Variants in ABCD3 observed in about 807,000 individuals in gnomAD.
ABCD3 encodes ATP-binding cassette sub-family D member 3.
A neutral mutation model predicts 105.5 loss-of-function variants in ABCD3; 41 were observed. The ratio of observed to expected loss-of-function variants is 0.39; its 90% confidence interval spans 0.30 to 0.50. The LOEUF is 0.50. Ranked by LOEUF, ABCD3 falls within the 20% of genes least tolerant of loss-of-function variation. The pLI is 0.84. For missense variants in ABCD3, 622 were observed against 806.3 expected (o/e 0.77, Z 2.77); for synonymous variants, 258 against 269.0 (o/e 0.96, Z 0.40).
At chr1:94,479,810 GA>G (rs978314536) in intron 8 of ABCD3, among the ~76,000 whole-genome samples, 5 of 151,956 alleles carry the variant, frequency 3.3e-5, no homozygotes, top group Non-Finnish European at 7.4e-5. Context: ...GATGAACTTG[GA>G]AAGGTATGCT....
chr1:94,495,096 T>C (rs956970241), intron 16 of ABCD3, among the ~76,000 whole-genome samples: 5 of 152,160 alleles, frequency 3.3e-5, no homozygotes, highest in Admixed American at 3.3e-4. Flanking sequence ...ACAAGTACTT[T>C]GTAAGTTACT....
Position 94,487,986 on chromosome 1 carries a change from A to G in ABCD3, c.1157+3A>G. On this transcript the variant is annotated splice_donor_region_variant and intron_variant, in intron 13 of 22. Transcript: ENST00000370214. ...CGTGAAATGACTAGATTGGCCGGGT[A>G]AGATTAGTAATAATGAGCTGTTGCA... 1.9e-6 allele frequency: 3 copies of G among 1,607,094 alleles called. No individual in the cohort carries two copies. Among genetic ancestry groups the G allele is most frequent in the South Asian group, 1.1e-5 (1 of 90,726 alleles).
At chr1:94,425,525 A>G (rs1659435702) in intron 1 of ABCD3, among the ~76,000 whole-genome samples, 1 of 152,220 alleles carries the variant, frequency 6.6e-6, no homozygotes, top group Non-Finnish European at 1.5e-5. Flanking sequence ...TCTGCTGAAT[A>G]ACTTCCTTGG....
Position 94,456,255 on chromosome 1 carries a change from A to AT in ABCD3, c.111-2316dup, listed in dbSNP as rs71094301. On this transcript the variant is annotated intron_variant, in intron 1 of 22. Transcript: ENST00000370214. ...CATCCATGTTGTTGCAAATGACAGA[A>AT]TTTTTTTTTTTTTTTTTTTTTTTTT... 1.9e-3 allele frequency among the ~76,000 whole-genome samples: 86 copies of AT among 44,958 alleles called. 18 individuals carry two copies. The highest frequency in any genetic ancestry group is 0.017 in the Middle Eastern group (1 of 58). 29.5% of individuals were successfully genotyped at this position (44,958 alleles called of 152,430 possible). A position where few individuals can be genotyped will look rare whatever the true frequency, so the allele number is the denominator to read the frequency against.
intron 1 of ABCD3, among the ~76,000 whole-genome samples, chr1:94,431,126 A>G (rs186473883): frequency 5.8e-4 from 89 of 152,374 alleles, no homozygotes; most frequent in African/African-American, 2.1e-3. Context: ...AAAATACTGC[A>G]TATCAGCTTG....
chr1:94,472,714 G>A (rs569668200), intron 4 of ABCD3, among the ~76,000 whole-genome samples: 6 of 152,198 alleles, frequency 3.9e-5, no homozygotes, highest in South Asian at 4.1e-4. Context: ...TATCCATCTA[G>A]TCCCTCACAG....
At chr1:94,413,979 A>G (rs1249075622), upstream of ABCD3, among the ~76,000 whole-genome samples, 1 of 152,208 alleles carries the variant, frequency 6.6e-6, no homozygotes, top group Non-Finnish European at 1.5e-5. Flanking sequence ...AACTGAGTTG[A>G]ACGTGAGGAT....
chr1:94,435,978 T>C (rs754547645), intron 1 of ABCD3, among the ~76,000 whole-genome samples: 4 of 152,240 alleles, frequency 2.6e-5, no homozygotes, highest in Non-Finnish European at 5.9e-5. Context: ...TTGACATGGC[T>C]TTAGTGATCT....
At chr1:94,487,286 T>C (rs1570807119) in intron 10 of ABCD3, among the ~76,000 whole-genome samples, 1 of 152,176 alleles carries the variant, frequency 6.6e-6, no homozygotes, top group Non-Finnish European at 1.5e-5. Flanking sequence ...AGAAACAGCA[T>C]TGTTAAAATT....
At chr1:94,397,104 T>C in the ABCD3 span, among the ~76,000 whole-genome samples, 3 of 152,212 alleles carry the variant, frequency 2.0e-5, no homozygotes, top group East Asian at 5.8e-4. Context: ...CATAACCTTT[T>C]TATAAACTTG....
intron 1 of ABCD3, among the ~76,000 whole-genome samples, chr1:94,426,347 A>C: frequency 6.6e-6 from 1 of 152,190 alleles, no homozygotes; most frequent in Admixed American, 6.5e-5. Flanking sequence ...TCGGCATTCA[A>C]AGTGTCTTCT....
chr1:94,436,574 GT>G (rs1363183090), intron 1 of ABCD3, among the ~76,000 whole-genome samples: 1 of 152,126 alleles, frequency 6.6e-6, no homozygotes, highest in Non-Finnish European at 1.5e-5. Flanking sequence ...GCGGTAATGT[GT>G]TTTTTACAAA....
At chr1:94,480,317 G>GA (rs371563338) in intron 8 of ABCD3, 147 bp from the exon 9 acceptor site, 363 of 920,658 alleles carry the variant, frequency 3.9e-4, no homozygotes, top group African/African-American at 1.2e-3. Context: ...TACTTTTTCA[G>GA]AAAAAAAACA....
chr1:94,499,378 A>G (rs1649983517), intron 19 of ABCD3, 117 bp from the exon 20 acceptor site: 5 of 1,182,038 alleles, frequency 4.2e-6, no homozygotes, highest in Non-Finnish European at 6.2e-6. Flanking sequence ...TCTGAAATGT[A>G]TCTTTTAAGT....
chr1:94,470,039 A>G (rs1056952967), intron 4 of ABCD3, among the ~76,000 whole-genome samples: 1 of 152,076 alleles, frequency 6.6e-6, no homozygotes, highest in Non-Finnish European at 1.5e-5. Context: ...TCATCTTTGT[A>G]TCCTGAATTA....
chr1:94,458,676 T>G, intron 2 of ABCD3, 33 bp downstream of exon 2: 3 of 1,585,986 alleles, frequency 1.9e-6, no homozygotes, highest in Non-Finnish European at 2.6e-6. Context: ...TTTTGGGATT[T>G]CATGCATTTA....
At chr1:94,484,106 G>C (rs1320429915) in intron 10 of ABCD3, among the ~76,000 whole-genome samples, 1 of 152,228 alleles carries the variant, frequency 6.6e-6, no homozygotes, top group Non-Finnish European at 1.5e-5. Context: ...TCTCACACCA[G>C]TTAGAATGGC....
At chr1:94,501,282 A>G (rs947114486) in intron 20 of ABCD3, among the ~76,000 whole-genome samples, 1 of 151,856 alleles carries the variant, frequency 6.6e-6, no homozygotes. Flanking sequence ...AAAAAAAAAA[A>G]AACACATGAT....
the ABCD3 span, among the ~76,000 whole-genome samples, chr1:94,393,092 C>T: frequency 2.0e-5 from 3 of 150,852 alleles, no homozygotes; most frequent in Non-Finnish European, 2.9e-5. Context: ...GGTGACAGAT[C>T]GAGACTCCAT....
Sources: gnomAD v4.1 joint callset for allele counts (sites outside exome capture counted in the v4.1 genomes callset) on GRCh38, gnomAD v4.1.1 for gene constraint, MANE v1.5 for transcripts, NCBI Gene and HGNC (gene_info 2026-07-23, HGNC 2026-07-21) for gene names.